NF2: variants seen among roughly 807,000 people sequenced by gnomAD.
NF2 encodes NF2, moesin-ezrin-radixin like (MERLIN) tumor suppressor.
A neutral mutation model predicts 83.7 loss-of-function variants in NF2; 8 were observed. That is an observed-to-expected ratio of 0.10 (90% CI 0.06 to 0.17). NF2 has a LOEUF of 0.17. Ranked by LOEUF, NF2 falls within the 10% of genes least tolerant of loss-of-function variation. The pLI is 1.00. For missense variants in NF2, 533 were observed against 744.4 expected, an observed-to-expected ratio of 0.72 and a Z score of 3.31; for synonymous variants, 266 against 269.6, an observed-to-expected ratio of 0.99 and a Z score of 0.13.
chr22:29,653,579 G>A (rs1240075854), intron 4 of NF2, among the ~76,000 whole-genome samples: 1 of 152,080 alleles, frequency 6.6e-6, no homozygotes, highest in Non-Finnish European at 1.5e-5. Context: ...TACAGTTAAG[G>A]TGATATGGGA....
At chr22:29,689,716 G>C (rs1030112484) in intron 15 of NF2, among the ~76,000 whole-genome samples, 2 of 152,104 alleles carry the variant, frequency 1.3e-5, no homozygotes, top group Non-Finnish European at 2.9e-5. Context: ...TTGTTCCCCA[G>C]CTTAATTGTA....
At chr22:29,627,164 C>T (rs1019837220) in intron 1 of NF2, among the ~76,000 whole-genome samples, 6 of 152,182 alleles carry the variant, frequency 3.9e-5, no homozygotes, top group Admixed American at 3.3e-4. Context: ...AGAAAATTAT[C>T]GTAGCAATGA....
rs560516983 is a variant in NF2 at position 29,631,107 on chromosome 22, A to G, written c.115-5644A>G. Among the ~76,000 whole-genome samples, 35 of 152,286 alleles carry G rather than the reference A, an allele frequency of 2.3e-4. No homozygotes were observed. The South Asian group carries it at 7.2e-3, about 32-fold the overall frequency. On this transcript the variant is annotated intron_variant, in intron 1 of 15. Transcript: ENST00000338641. ...GTGGAGAGTCAGAATTGTCACACGC[A>G]CTGGGCTGAAGCTGCATATTCAGTA...
chr22:29,694,815 C>G lies in NF2; in HGVS notation c.*13C>G, dbSNP rs1188149826. 6.2e-7 allele frequency: 1 copy of G among 1,611,044 alleles called. No homozygotes were observed. The highest frequency in any genetic ancestry group is 1.3e-5 in the African/African-American group (1 of 74,806). ...TGAAGAGCTCTAGCAGGTGACCCAG[C>G]CACCCCAGGACCTGCCACTTCTCCT... On this transcript the variant is annotated 3_prime_UTR_variant, in exon 16 of 16. Transcript: ENST00000338641. This position sits in a 1 kb window ranked among gnomAD's most constrained non-coding sequence, Gnocchi z 4.1.
intron 1 of NF2, among the ~76,000 whole-genome samples, chr22:29,610,314 TCAGC>T (rs1196522534): frequency 6.6e-6 from 1 of 151,716 alleles, no homozygotes; most frequent in African/African-American, 2.4e-5. Flanking sequence ...CCACAGTGCT[TCAGC>T]CAGGGTGACA....
intron 15 of NF2, among the ~76,000 whole-genome samples, chr22:29,687,799 G>A (rs1224971769): frequency 1.3e-5 from 2 of 152,198 alleles, no homozygotes; most frequent in Admixed American, 6.5e-5. Context: ...AAAGGAGTGG[G>A]GAGTGGGGTG....
intron 1 of NF2, among the ~76,000 whole-genome samples, chr22:29,614,874 C>A (rs1254087539): frequency 6.6e-6 from 1 of 151,812 alleles, no homozygotes; most frequent in Non-Finnish European, 1.5e-5. Flanking sequence ...ATGGTGAAAC[C>A]CTGTCTATAT....
intron 4 of NF2, among the ~76,000 whole-genome samples, chr22:29,654,000 T>A (rs2066228702): frequency 6.6e-6 from 1 of 152,118 alleles, no homozygotes; most frequent in African/African-American, 2.4e-5. Context: ...TTTTTTTTTT[T>A]AATCAGAGAA....
intron 1 of NF2, among the ~76,000 whole-genome samples, chr22:29,625,370 C>CT (rs1413826373): frequency 1.3e-5 from 2 of 152,114 alleles, no homozygotes; most frequent in Non-Finnish European, 2.9e-5. Context: ...TGAAATTTTT[C>CT]TTTTTTCTTT....
Position 29,603,891 on chromosome 22 carries a change from A to C in NF2, c.-108A>C, listed in dbSNP as rs2064708490. On this transcript the variant is annotated 5_prime_UTR_variant, in exon 1 of 16. Coordinates refer to ENST00000338641, the MANE Select transcript of NF2 (RefSeq NM_000268.4). ...AGCCCAGACCGTTCCCGGGCCGGGC[A>C]GCCGGCCACCATGGTGGCCCTGAGG... 1 of 843,014 alleles carries C rather than the reference A, an allele frequency of 1.2e-6. No homozygotes were observed. Among genetic ancestry groups the C allele is most frequent in the Non-Finnish European group, 1.8e-6 (1 of 542,596 alleles). The allele number at this position is 843,014 out of a possible 1,614,324, so 52.2% of individuals were successfully genotyped here. A position where few individuals can be genotyped will look rare whatever the true frequency, so the allele number is the denominator to read the frequency against.
At chr22:29,683,932 C>T in intron 15 of NF2, 1 of 1,031,966 alleles carries the variant, frequency 9.7e-7, no homozygotes, top group Non-Finnish European at 1.2e-6. Flanking sequence ...ACCTAATCCC[C>T]AGTAGTACCC....
intron 11 of NF2, among the ~76,000 whole-genome samples, chr22:29,672,980 G>A (rs1326809041): frequency 6.6e-6 from 1 of 152,210 alleles, no homozygotes; most frequent in Non-Finnish European, 1.5e-5. Flanking sequence ...GATTTAAAGG[G>A]AAAGAACAGA....
At chr22:29,681,721 T>G (rs1601666878) in intron 15 of NF2, 120 bp downstream of exon 15, 2 of 1,241,238 alleles carry the variant, frequency 1.6e-6, no homozygotes, top group East Asian at 4.8e-5. Context: ...TTGTATGTAC[T>G]TAGTTGAGGA....
intron 7 of NF2, 119 bp from the exon 8 acceptor site, chr22:29,661,086 C>G: frequency 7.0e-7 from 1 of 1,431,644 alleles, no homozygotes; most frequent in Non-Finnish European, 9.8e-7. Flanking sequence ...GCTGTGACTT[C>G]TGTTGGGACC....
At chr22:29,690,155 C>T (rs756053) in intron 15 of NF2, among the ~76,000 whole-genome samples, 111,907 of 152,164 alleles carry the variant, frequency 0.74, 41,980 homozygotes, top group East Asian at 0.91. Context: ...CAGAAGTACC[C>T]TAATGGGCCA....
At chr22:29,661,040 A>G (rs748311173) in intron 7 of NF2, among the ~76,000 whole-genome samples, 165 bp from the exon 8 acceptor site, 16 of 152,222 alleles carry the variant, frequency 1.1e-4, no homozygotes, top group Non-Finnish European at 2.1e-4. Context: ...ACCTGCCCCA[A>G]TTCAGAAAGC....
intron 6 of NF2, 42 bp downstream of exon 6, chr22:29,655,718 T>A: frequency 6.0e-6 from 2 of 332,606 alleles, no homozygotes; most frequent in South Asian, 1.5e-4. Flanking sequence ...TTTATGGGCT[T>A]TTTTTTTTTT....
intron 1 of NF2, among the ~76,000 whole-genome samples, chr22:29,617,768 C>T (rs571239261): frequency 1.3e-5 from 2 of 152,274 alleles, no homozygotes; most frequent in East Asian, 3.9e-4. Flanking sequence ...GTATTAATAA[C>T]AAACTCTCAG....
rs1021569867 is a variant in NF2 at position 29,603,738 on chromosome 22, C to T, written c.-261C>T. 22 of 462,778 alleles carry T rather than the reference C, an allele frequency of 4.8e-5. No individual in the cohort carries two copies. Among genetic ancestry groups the T allele is most frequent in the Non-Finnish European group, 7.6e-5 (20 of 263,518 alleles). 28.7% of individuals were successfully genotyped at this position (462,778 alleles called of 1,614,324 possible). A position where few individuals can be genotyped will look rare whatever the true frequency, so the allele number is the denominator to read the frequency against. On this transcript the variant is annotated 5_prime_UTR_variant, in exon 1 of 16. Transcript: ENST00000338641. ...ATCTCCGGCCCGAATCCCGGAGTGC[C>T]GGGTCGCGCCTGCACCGAAGGTCCC...
Sources: gnomAD v4.1 joint callset for allele counts (sites outside exome capture counted in the v4.1 genomes callset) on GRCh38, gnomAD v4.1.1 for gene constraint, Gnocchi (gnomAD v3.1) non-coding constraint, MANE v1.5 for transcripts, NCBI Gene and HGNC (gene_info 2026-07-23, HGNC 2026-07-21) for gene names.